The following VWC2L variants were observed in gnomAD, a reference collection of about 807,000 sequenced individuals.
The protein encoded by VWC2L is von Willebrand factor C domain-containing protein 2-like.
A neutral mutation model predicts 21.6 loss-of-function variants in VWC2L; 10 were observed. The ratio of observed to expected loss-of-function variants is 0.46; its 90% CI spans 0.29 to 0.78. The LOEUF (loss-of-function observed/expected upper bound fraction) is 0.78, where lower values mean the gene tolerates loss of function less well. Ranked by LOEUF, VWC2L falls within the 30% of genes least tolerant of loss-of-function variation. The pLI, the probability that VWC2L is intolerant of heterozygous loss-of-function variation, is 0.10. For missense variants in VWC2L, 209 were observed against 277.1 expected, an observed-to-expected ratio of 0.75 and a Z score of 1.74; for synonymous variants, 96 against 94.3, an observed-to-expected ratio of 1.02 and a Z score of -0.10.
intron 3 of VWC2L, among the ~76,000 whole-genome samples, chr2:214,470,695 G>A (rs1054320275): frequency 6.6e-6 from 1 of 151,866 alleles, no homozygotes; most frequent in Non-Finnish European, 1.5e-5. Flanking sequence ...GATCACTTTA[G>A]GCCAGGAGTC....
chr2:214,483,214 G>C (rs886215127), intron 3 of VWC2L, among the ~76,000 whole-genome samples: 6 of 152,082 alleles, frequency 3.9e-5, no homozygotes, highest in African/African-American at 1.4e-4. Context: ...CCTTACTACT[G>C]TCTGGCCTAG....
At chr2:214,454,593 A>ATTTTTTTTTTT in intron 3 of VWC2L, among the ~76,000 whole-genome samples, 1 of 59,768 alleles carries the variant, frequency 1.7e-5, no homozygotes, top group South Asian at 5.1e-4. Flanking sequence ...ACATTGATTG[A>ATTTTTTTTTTT]TTTTCTTTTT....
At chr2:214,536,646 T>C (rs1370647398) in intron 3 of VWC2L, 13 of 152,062 alleles carry the variant, frequency 8.5e-5, no homozygotes. Context: ...TCTTATGTTC[T>C]TATTATCATA....
At chr2:214,534,817 A>T (rs897216458) in intron 3 of VWC2L, among the ~76,000 whole-genome samples, 4 of 152,130 alleles carry the variant, frequency 2.6e-5, no homozygotes, top group African/African-American at 9.7e-5. Context: ...AGGCCAATTT[A>T]TACATATCAA....
chr2:214,436,542 G>A lies in VWC2L; in HGVS notation c.391-87G>A, dbSNP rs942052380. On this transcript the variant is annotated intron_variant, in intron 2 of 3. Transcript: ENST00000312504. The stretch of plus-strand genomic sequence containing the variant: ...TAATACAGTAAAGCCAATATAATAA[G>A]CACTGATGTTTTGTCTTCTGACAGC... 1.8e-5 allele frequency: 27 copies of A among 1,489,552 alleles called. No homozygotes were observed. The Admixed American group carries it at 4.7e-4, about 26-fold the overall frequency. 92.3% of individuals were successfully genotyped at this position (1,489,552 alleles called of 1,614,324 possible).
chr2:214,508,557 C>T (rs1010754964), intron 3 of VWC2L, among the ~76,000 whole-genome samples: 1 of 152,190 alleles, frequency 6.6e-6, no homozygotes, highest in Non-Finnish European at 1.5e-5. Flanking sequence ...TAGTTAACTA[C>T]GATTACATTT....
chr2:214,465,721 G>C (rs1184158445), intron 3 of VWC2L, among the ~76,000 whole-genome samples: 2 of 152,134 alleles, frequency 1.3e-5, no homozygotes, highest in African/African-American at 4.8e-5. Flanking sequence ...GGCCTAGACT[G>C]CCTTTCAAGT....
chr2:214,429,350 C>T (rs933816790), intron 2 of VWC2L, among the ~76,000 whole-genome samples: 1 of 152,170 alleles, frequency 6.6e-6, no homozygotes, highest in Non-Finnish European at 1.5e-5. Context: ...CAGTGAAGGA[C>T]TAAGGACGGC....
rs1005782347 is a variant in VWC2L at position 214,577,149 on chromosome 2, T to C, written c.*1329T>C. 9 of 152,192 alleles carry C rather than the reference T, an allele frequency of 5.9e-5. No individual in the cohort carries two copies. Among genetic ancestry groups the C allele is most frequent in the African/African-American group, 2.2e-4 (9 of 41,448 alleles). The allele number at this position is 152,192 out of a possible 1,614,324, so 9.4% of individuals were successfully genotyped here. ...ATGGCATAGTTAGTCGCTTATTCCA[T>C]GCTCCTGCCCTAAAAACCCTGGCAC... On this transcript the variant is annotated 3_prime_UTR_variant, in exon 4 of 4. Coordinates refer to ENST00000312504, the MANE Select transcript of VWC2L (RefSeq NM_001080500.4).
chr2:214,425,844 T>C (rs1314123351), intron 2 of VWC2L, among the ~76,000 whole-genome samples: 2 of 152,006 alleles, frequency 1.3e-5, no homozygotes, highest in Non-Finnish European at 2.9e-5. Context: ...TGATGATAAG[T>C]AGCTTATGAT....
chr2:214,563,991 T>A (rs933696690), intron 3 of VWC2L, among the ~76,000 whole-genome samples: 1 of 152,168 alleles, frequency 6.6e-6, no homozygotes, highest in Non-Finnish European at 1.5e-5. Flanking sequence ...AAAATCAACG[T>A]GTAGAAGTCA....
chr2:214,559,957 G>A (rs983591860), intron 3 of VWC2L, among the ~76,000 whole-genome samples: 14 of 152,132 alleles, frequency 9.2e-5, no homozygotes, highest in African/African-American at 3.4e-4. Context: ...TGTTTGTCTT[G>A]TTGAAGTTAT....
At chr2:214,457,828 G>T (rs1207249889) in intron 3 of VWC2L, among the ~76,000 whole-genome samples, 2 of 152,020 alleles carry the variant, frequency 1.3e-5, no homozygotes, top group Admixed American at 6.6e-5. Context: ...CTTGATCATG[G>T]TGCATTATCT....
At chr2:214,542,505 T>C (rs961437789) in intron 3 of VWC2L, among the ~76,000 whole-genome samples, 4 of 152,216 alleles carry the variant, frequency 2.6e-5, no homozygotes, top group African/African-American at 7.2e-5. Flanking sequence ...AGATCCACCC[T>C]GACATCATTC....
At chr2:214,544,760 G>A (rs1689679707) in intron 3 of VWC2L, among the ~76,000 whole-genome samples, 1 of 152,082 alleles carries the variant, frequency 6.6e-6, no homozygotes, top group Non-Finnish European at 1.5e-5. Context: ...AAAGGTTAAT[G>A]GAGTGATCTC....
At chr2:214,502,808 GA>G (rs1266322721) in intron 3 of VWC2L, among the ~76,000 whole-genome samples, 1 of 152,102 alleles carries the variant, frequency 6.6e-6, no homozygotes, top group East Asian at 1.9e-4. Context: ...TCCTTAACTA[GA>G]TTGTGTTTTT....
chr2:214,462,905 T>C lies in VWC2L; in HGVS notation c.520+26147T>C, dbSNP rs971065173. 3.9e-5 allele frequency among the ~76,000 whole-genome samples: 6 copies of C among 152,350 alleles called. No homozygotes were observed. In the South Asian group the frequency reaches 1.2e-3, roughly 32 times the overall value. ...TTTATTCTTTGAATCATAGGTTATA[T>C]AGGATGTGTTGATTCGTTTTCAAAT... On this transcript the variant is annotated intron_variant, in intron 3 of 3. Coordinates refer to ENST00000312504, the MANE Select transcript of VWC2L (RefSeq NM_001080500.4).
chr2:214,544,989 C>T (rs1461173249), intron 3 of VWC2L, among the ~76,000 whole-genome samples: 2 of 152,120 alleles, frequency 1.3e-5, no homozygotes, highest in Non-Finnish European at 2.9e-5. Flanking sequence ...TGATTTTTCA[C>T]ATATTCCATA....
At chr2:214,508,638 T>G (rs1478217045) in intron 3 of VWC2L, among the ~76,000 whole-genome samples, 1 of 152,188 alleles carries the variant, frequency 6.6e-6, no homozygotes, top group Non-Finnish European at 1.5e-5. Context: ...CATATTTTCC[T>G]TTTTTTCATA....
Sources: allele counts gnomAD v4.1 joint callset (sites outside exome capture counted in the v4.1 genomes callset), GRCh38; gene constraint gnomAD v4.1.1; transcripts MANE v1.5; gene names NCBI Gene and HGNC (gene_info 2026-07-23, HGNC 2026-07-21).